TULP4: variants seen among roughly 807,000 people sequenced by gnomAD.
The protein encoded by TULP4 is TUB like protein 4.
A neutral mutation model predicts 129.0 loss-of-function variants in TULP4; 16 were observed. That is an observed-to-expected ratio of 0.12 (90% CI 0.08 to 0.19). The LOEUF is 0.19. Among genes scored for constraint, TULP4 ranks in the 10% least tolerant of loss-of-function variants. TULP4 has a pLI of 1.00. For missense variants in TULP4, 1,842 were observed against 2,059.1 expected, an observed-to-expected ratio of 0.89 and a Z score of 2.04; for synonymous variants, 998 against 854.0, an observed-to-expected ratio of 1.17 and a Z score of -2.94.
rs1562595235 is a variant in TULP4, at chr6:158,503,275, G to A, written c.3612G>A (p.Gln1204=). Reference sequence around the variant, plus strand: ...ACAACCCCCCTTTGCCTGGAGTGCAGGCTCCCTGCTCTCCCAAAGATGCCC... The same window carrying A: ...ACAACCCCCCTTTGCCTGGAGTGCAAGCTCCCTGCTCTCCCAAAGATGCCC... ...SYNNPPLPGV[Q]APCSPKDALS... The change falls in exon 13 of 14, where the codon CAG becomes CAA. Residue 1204 remains glutamine (Q), a synonymous_variant. Coordinates refer to ENST00000367097, the MANE Select transcript of TULP4 (RefSeq NM_020245.5). This position sits in a 1 kb window ranked among gnomAD's most constrained non-coding sequence, Gnocchi z 4.3. The A allele has an allele frequency of 6.2e-7, 1 of 1,613,934 alleles. No individual in the cohort carries two copies. The highest frequency in any genetic ancestry group is 8.5e-7 in the Non-Finnish European group (1 of 1,179,998).
At position 158,510,684 on chromosome 6, in the gene TULP4, T is replaced by A. The variant is rs1419354658; in HGVS notation, c.*3990T>A. The A allele has an allele frequency of 6.6e-6, 1 of 152,256 alleles. No homozygotes were observed. Among genetic ancestry groups the A allele is most frequent in the Admixed American group, 6.5e-5 (1 of 15,272 alleles). The allele number at this position is 152,256 out of a possible 1,614,324, so 9.4% of individuals were successfully genotyped here. On this transcript the variant is annotated 3_prime_UTR_variant, in exon 14 of 14. Coordinates refer to ENST00000367097, the MANE Select transcript of TULP4 (RefSeq NM_020245.5). ...TTTGTTCTCATAGAATATACAAAAG[T>A]ACTGATTCTAGGTAAGAAGGAGTCT...
At chr6:158,343,438 G>C (rs1780231884) in intron 1 of TULP4, among the ~76,000 whole-genome samples, 1 of 152,162 alleles carries the variant, frequency 6.6e-6, no homozygotes. Flanking sequence ...CCTAAATTCA[G>C]CTTAAACCTT....
Position 158,312,864 on chromosome 6 carries a change from C to T in TULP4, c.-1153C>T, listed in dbSNP as rs796237390. ...CCCATCAGCAAAACACTATCACTCTCTAGGGAGACAGCTGGGGGAATCTGA... is the reference window on the plus strand; with the variant it reads ...CCCATCAGCAAAACACTATCACTCTTTAGGGAGACAGCTGGGGGAATCTGA... On this transcript the variant is annotated 5_prime_UTR_variant, in exon 1 of 14. Coordinates refer to ENST00000367097, the MANE Select transcript of TULP4 (RefSeq NM_020245.5). The T allele has an allele frequency of 3.9e-5, 6 of 152,318 alleles. No individual in the cohort carries two copies. The highest frequency in any genetic ancestry group is 1.4e-4 in the African/African-American group (6 of 41,556). The allele number at this position is 152,318 out of a possible 1,614,324, so 9.4% of individuals were successfully genotyped here.
chr6:158,333,173 T>C (rs1779951566), intron 1 of TULP4, among the ~76,000 whole-genome samples: 1 of 152,202 alleles, frequency 6.6e-6, no homozygotes, highest in South Asian at 2.1e-4. Flanking sequence ...ACTGAATGTT[T>C]GTATCCTCCA....
In TULP4 at chr6:158,500,916, T is replaced by A. The variant is rs568708381; in HGVS notation, c.2015-762T>A. Among the ~76,000 whole-genome samples the A allele has an allele frequency of 2.0e-5, 3 of 152,166 alleles. No individual in the cohort carries two copies. The South Asian group carries it at 6.2e-4, about 32-fold the overall frequency. ...CCCATATCTACTAAAAATACATAGC[T>A]GGGTGTGGTGGCGCTCACCTGCAGT... On this transcript the variant is annotated intron_variant, in intron 12 of 13. Coordinates refer to ENST00000367097, the MANE Select transcript of TULP4 (RefSeq NM_020245.5).
rs1485683713 is a variant in TULP4 at position 158,494,816 on chromosome 6, G to A, written c.1840G>A (p.Ala614Thr). Residue 614 changes from alanine to threonine, a missense_variant, in exon 11 of 14, where the codon GCT becomes ACT. By Grantham distance (58) the Ala-to-Thr change is moderately conservative (BLOSUM62 0). Transcript: ENST00000367097. ...WGTKFKIVGL[A>T]AFLPTNLGAV... ...AACCAAATTTAAGATTGTGGGCTTGGCTGCTTTCCTGCCAACCAACCTCGG... is the reference window on the plus strand; with the variant it reads ...AACCAAATTTAAGATTGTGGGCTTGACTGCTTTCCTGCCAACCAACCTCGG... 2 of 1,614,004 alleles carry A rather than the reference G, an allele frequency of 1.2e-6. No homozygotes were observed.
chr6:158,426,538 A>T (rs1023031953), intron 2 of TULP4, among the ~76,000 whole-genome samples: 1 of 152,204 alleles, frequency 6.6e-6, no homozygotes, highest in East Asian at 1.9e-4. Context: ...GTAAATATGC[A>T]GCCTTATTTC....
chr6:158,373,105 T>C (rs1248913623), intron 1 of TULP4, among the ~76,000 whole-genome samples: 2 of 152,226 alleles, frequency 1.3e-5, no homozygotes, highest in African/African-American at 2.4e-5. Context: ...AAATAAAGGC[T>C]AAGTCAGGTT....
chr6:158,280,005 C>T (rs1192468061), upstream of TULP4, among the ~76,000 whole-genome samples: 5 of 152,168 alleles, frequency 3.3e-5, no homozygotes, highest in Admixed American at 1.3e-4. Flanking sequence ...CCACGGTAGA[C>T]GTGAGGGTTT....
intron 1 of TULP4, among the ~76,000 whole-genome samples, chr6:158,306,104 A>T (rs527259669): frequency 8.5e-5 from 13 of 152,104 alleles, no homozygotes; most frequent in South Asian, 2.1e-4. Context: ...AAGTGGAATT[A>T]AAAAAAACTG....
intron 1 of TULP4, among the ~76,000 whole-genome samples, chr6:158,378,043 A>G (rs1447076824): frequency 6.6e-6 from 1 of 152,160 alleles, no homozygotes; most frequent in Non-Finnish European, 1.5e-5. Flanking sequence ...AGAGGCAGCT[A>G]GGCCACATGT....
At chr6:158,370,955 A>G (rs1348910980) in intron 1 of TULP4, among the ~76,000 whole-genome samples, 4 of 152,192 alleles carry the variant, frequency 2.6e-5, no homozygotes, top group Admixed American at 2.0e-4. Flanking sequence ...AAATCGTGCC[A>G]CTGCACTCCT....
At chr6:158,241,817 A>C (rs1302627448) in intron 1 of TULP4, 1 of 556,644 alleles carries the variant, frequency 1.8e-6, no homozygotes, top group African/African-American at 1.9e-5. Flanking sequence ...CTGGTCTCGA[A>C]CTCCTGACCT....
Position 158,502,459 on chromosome 6 carries a change from G to T in TULP4, c.2796G>T (p.Lys932Asn), listed in dbSNP as rs745949010. 4 of 1,613,278 alleles carry T rather than the reference G, an allele frequency of 2.5e-6. No individual in the cohort carries two copies. In the African/African-American group the frequency reaches 5.3e-5, roughly 22 times the overall value. ...SATLRLTATE[K>N]KVPQPCSSAT... The stretch of plus-strand genomic sequence containing the variant: ...CCTTGAGGCTCACGGCCACTGAGAA[G>T]AAGGTCCCTCAGCCCTGCAGCAGTG... Residue 932 changes from lysine (K) to asparagine (N), a missense_variant, in exon 13 of 14, where the codon AAG becomes AAT. Lys to Asn is a moderately conservative substitution (Grantham distance 94). Around this residue, in one of 5 missense-constraint regions of TULP4, gnomAD observed 1,089 missense variants for 987.1 expected, o/e 1.10. Transcript: ENST00000367097.
At chr6:158,261,514 T>C (rs955036023) in intron 1 of TULP4, among the ~76,000 whole-genome samples, 10 of 152,222 alleles carry the variant, frequency 6.6e-5, no homozygotes, top group African/African-American at 2.4e-4. Flanking sequence ...CTGGTAAATG[T>C]CTTGGGCTTC....
intron 1 of TULP4, among the ~76,000 whole-genome samples, chr6:158,236,987 G>A (rs1777723924): frequency 6.6e-6 from 1 of 151,264 alleles, no homozygotes; most frequent in East Asian, 2.0e-4. Flanking sequence ...ATTTTTGTAT[G>A]TTTAGTAGAG....
upstream of TULP4, among the ~76,000 whole-genome samples, chr6:158,311,100 T>C (rs1221910603): frequency 6.6e-6 from 1 of 152,204 alleles, no homozygotes; most frequent in Non-Finnish European, 1.5e-5. Flanking sequence ...GAAGGCAAAT[T>C]ATGTCCTAGT....
intron 3 of TULP4, among the ~76,000 whole-genome samples, chr6:158,443,044 C>T (rs147346662): frequency 2.1e-3 from 325 of 152,046 alleles, no homozygotes; most frequent in African/African-American, 6.6e-3. Flanking sequence ...AATGCAGTGG[C>T]GCAATCTTGG....
At chr6:158,491,515 TC>T (rs1780209083) in intron 9 of TULP4, among the ~76,000 whole-genome samples, 1 of 27,570 alleles carries the variant, frequency 3.6e-5, no homozygotes, top group Non-Finnish European at 6.0e-5. Flanking sequence ...TTTCTTTCTT[TC>T]TTGTCTCGCT....
Sources: allele counts gnomAD v4.1 joint callset (sites outside exome capture counted in the v4.1 genomes callset), GRCh38; gene constraint gnomAD v4.1.1; regional missense constraint gnomAD v4.1.1; non-coding constraint Gnocchi (gnomAD v3.1); transcripts MANE v1.5; gene names NCBI Gene and HGNC (gene_info 2026-07-23, HGNC 2026-07-21).